ZBTB7C: variants seen among roughly 807,000 people sequenced by gnomAD.
The protein encoded by ZBTB7C is zinc finger and BTB domain containing 7C.
In ZBTB7C, 8 loss-of-function variants were observed where a neutral mutation model predicts 25.7. The ratio of observed to expected loss-of-function variants is 0.31; its 90% CI spans 0.18 to 0.56. The LOEUF is 0.56. Among genes scored for constraint, ZBTB7C ranks in the 20% least tolerant of loss-of-function variants. The pLI is 0.91. For synonymous variants in ZBTB7C, 394 were observed against 369.0 expected (o/e 1.07, Z -0.78); for missense variants, 824 against 855.2 (o/e 0.96, Z 0.46).
intron 2 of ZBTB7C, among the ~76,000 whole-genome samples, chr18:48,203,073 G>A (rs916753022): frequency 6.6e-6 from 1 of 152,146 alleles, no homozygotes; most frequent in Non-Finnish European, 1.5e-5. Flanking sequence ...AGCATGGAAT[G>A]TCAGGCCCTC....
intron 2 of ZBTB7C, chr18:48,252,674 A>G (rs916988773): frequency 7.2e-5 from 11 of 152,334 alleles, no homozygotes; most frequent in African/African-American, 1.4e-4. Flanking sequence ...GCATCGCTCA[A>G]TCCTGCAATG....
intron 2 of ZBTB7C, among the ~76,000 whole-genome samples, chr18:48,310,740 G>A (rs1219188268): frequency 6.6e-6 from 1 of 152,216 alleles, no homozygotes; most frequent in African/African-American, 2.4e-5. Context: ...GCCTCCCCTA[G>A]CTCAGCTCTC....
intron 2 of ZBTB7C, among the ~76,000 whole-genome samples, chr18:48,309,151 G>C (rs2045751666): frequency 6.6e-6 from 1 of 152,174 alleles, no homozygotes; most frequent in South Asian, 2.1e-4. Flanking sequence ...GCCCCGCACT[G>C]CTGGAAAAAT....
At chr18:48,332,511 G>C (rs955035107) in intron 2 of ZBTB7C, among the ~76,000 whole-genome samples, 1 of 152,070 alleles carries the variant, frequency 6.6e-6, no homozygotes, top group Non-Finnish European at 1.5e-5. Context: ...TGTCTCCAAA[G>C]TTATATTATA....
chr18:48,325,232 C>T (rs116264801), intron 2 of ZBTB7C, among the ~76,000 whole-genome samples: 1,717 of 152,322 alleles, frequency 0.011, 26 homozygotes, highest in African/African-American at 0.039. Flanking sequence ...AGAAGGCACA[C>T]ATGCAGCAGG....
chr18:48,346,931 C>T (rs901365504), intron 1 of ZBTB7C, among the ~76,000 whole-genome samples: 2 of 151,690 alleles, frequency 1.3e-5, no homozygotes, highest in African/African-American at 2.4e-5. Context: ...ATTACAGGCA[C>T]GCGCCACCAC....
At chr18:48,090,629 C>T (rs2038376495) in intron 3 of ZBTB7C, among the ~76,000 whole-genome samples, 1 of 152,174 alleles carries the variant, frequency 6.6e-6, no homozygotes, top group Non-Finnish European at 1.5e-5. Context: ...TCAGCATGAC[C>T]CAGGCCTATC....
At chr18:48,157,503 G>A (rs1057303301) in intron 3 of ZBTB7C, among the ~76,000 whole-genome samples, 3 of 152,098 alleles carry the variant, frequency 2.0e-5, no homozygotes, top group Non-Finnish European at 4.4e-5. Flanking sequence ...GTGACCACTC[G>A]ACAGTTAATA....
intron 1 of ZBTB7C, among the ~76,000 whole-genome samples, chr18:48,341,970 C>T (rs891978349): frequency 6.6e-6 from 1 of 152,204 alleles, no homozygotes; most frequent in Non-Finnish European, 1.5e-5. Flanking sequence ...AAAGAAAGGT[C>T]CATCAGGGCC....
intron 1 of ZBTB7C, among the ~76,000 whole-genome samples, chr18:48,383,807 A>C (rs1333526672): frequency 1.3e-5 from 2 of 151,894 alleles, no homozygotes; most frequent in African/African-American, 4.8e-5. Context: ...GCCAGGCTGG[A>C]TGGAGCCTCA....
intron 2 of ZBTB7C, among the ~76,000 whole-genome samples, chr18:48,222,833 T>C (rs536282321): frequency 2.0e-5 from 3 of 152,252 alleles, no homozygotes; most frequent in African/African-American, 4.8e-5. Context: ...CCACCAGCTC[T>C]GGAAGCCTTG....
chr18:48,156,352 G>C (rs946846597), intron 3 of ZBTB7C, among the ~76,000 whole-genome samples: 1 of 151,652 alleles, frequency 6.6e-6, no homozygotes, highest in African/African-American at 2.4e-5. Flanking sequence ...TTGTTCTTTA[G>C]GTGTCTTCAC....
intron 3 of ZBTB7C, among the ~76,000 whole-genome samples, chr18:48,152,546 A>T (rs1325191200): frequency 1.3e-5 from 2 of 152,248 alleles, no homozygotes; most frequent in Non-Finnish European, 2.9e-5. Flanking sequence ...ATCATAAAGA[A>T]TCATTATTCA....
intron 3 of ZBTB7C, among the ~76,000 whole-genome samples, chr18:48,058,202 T>A (rs972068442): frequency 6.6e-6 from 1 of 152,220 alleles, no homozygotes; most frequent in Admixed American, 6.5e-5. Context: ...TCATTTGTTA[T>A]TTGTTATTCT....
intron 3 of ZBTB7C, among the ~76,000 whole-genome samples, chr18:48,064,393 G>A (rs1178610721): frequency 1.3e-5 from 2 of 152,188 alleles, no homozygotes; most frequent in Non-Finnish European, 2.9e-5. Flanking sequence ...GAAGATACAG[G>A]GTACCTGTCC....
chr18:48,394,434 T>C (rs1269448112), intron 1 of ZBTB7C, among the ~76,000 whole-genome samples: 1 of 152,134 alleles, frequency 6.6e-6, no homozygotes, highest in Non-Finnish European at 1.5e-5. Flanking sequence ...AGCTGAAGGG[T>C]AGGGGGTGAG....
intron 2 of ZBTB7C, among the ~76,000 whole-genome samples, chr18:48,234,846 A>G (rs866631651): frequency 6.6e-6 from 1 of 152,094 alleles, no homozygotes; most frequent in Non-Finnish European, 1.5e-5. Flanking sequence ...GTAGCTCTGT[A>G]TTTCCTTTGT....
intron 2 of ZBTB7C, among the ~76,000 whole-genome samples, chr18:48,335,418 G>T (rs192070616): frequency 6.6e-5 from 10 of 152,222 alleles, no homozygotes; most frequent in African/African-American, 2.4e-4. Flanking sequence ...TTCAGGAACC[G>T]CCTGAAGGTC....
At chr18:48,106,479 A>G (rs2039032376) in intron 3 of ZBTB7C, among the ~76,000 whole-genome samples, 1 of 152,230 alleles carries the variant, frequency 6.6e-6, no homozygotes, top group Non-Finnish European at 1.5e-5. Flanking sequence ...AGAAGATGGT[A>G]CAAGCAAAAA....
Sources: gnomAD v4.1 joint callset for allele counts (sites outside exome capture counted in the v4.1 genomes callset) on GRCh38, gnomAD v4.1.1 for gene constraint, MANE v1.5 for transcripts, NCBI Gene and HGNC (gene_info 2026-07-23, HGNC 2026-07-21) for gene names.